Variants in MBD5 observed in about 807,000 individuals in gnomAD.
MBD5 encodes methyl-CpG-binding domain protein 5.
MBD5 carries 13 observed loss-of-function variants against 117.3 expected under a neutral mutation model. That is an observed-to-expected ratio of 0.11 (90% CI 0.07 to 0.18). The LOEUF (loss-of-function observed/expected upper bound fraction) is 0.18. Among genes scored for constraint, MBD5 ranks in the 10% least tolerant of loss-of-function variants. The pLI, the probability that MBD5 is intolerant of heterozygous loss-of-function variation, is 1.00. For missense variants in MBD5, 1,879 were observed against 2,093.8 expected (o/e 0.90, Z 2.00); for synonymous variants, 727 against 766.4 (o/e 0.95, Z 0.85).
intron 9 of MBD5, 103 bp downstream of exon 9, chr2:148,484,238 T>C: frequency 9.7e-7 from 1 of 1,034,084 alleles, no homozygotes; most frequent in East Asian, 2.7e-5. Flanking sequence ...TTTAAAAATG[T>C]TTTTGTTATG....
At chr2:148,441,629 G>A (rs1306543547) in intron 4 of MBD5, among the ~76,000 whole-genome samples, 5 of 152,142 alleles carry the variant, frequency 3.3e-5, no homozygotes, top group Non-Finnish European at 7.3e-5. Flanking sequence ...CCAGTAATGG[G>A]ATTGCTGGGT....
chr2:148,171,397 T>C (rs2105800126), intron 1 of MBD5, among the ~76,000 whole-genome samples: 1 of 152,216 alleles, frequency 6.6e-6, no homozygotes, highest in East Asian at 1.9e-4. Context: ...CTGATACGGA[T>C]GAAGAAAAAA....
chr2:148,103,361 A>C (rs557513606), intron 1 of MBD5, among the ~76,000 whole-genome samples: 97 of 152,284 alleles, frequency 6.4e-4, no homozygotes, highest in African/African-American at 2.3e-3. Flanking sequence ...AAATATTTTA[A>C]TATTTACTGT....
At chr2:148,447,631 T>C (rs1056664921) in intron 4 of MBD5, 1 of 152,144 alleles carries the variant, frequency 6.6e-6, no homozygotes, top group Non-Finnish European at 1.5e-5. Context: ...GCTATTGCAG[T>C]GAACTGGAGC....
intron 4 of MBD5, among the ~76,000 whole-genome samples, chr2:148,444,394 T>A (rs995119030): frequency 6.6e-6 from 1 of 151,258 alleles, no homozygotes; most frequent in African/African-American, 2.5e-5. Context: ...AGATGTCTGG[T>A]CATCATTTTC....
intron 3 of MBD5, among the ~76,000 whole-genome samples, chr2:148,272,525 C>T (rs6722460): frequency 0.95 from 144,201 of 152,226 alleles, 68,762 homozygotes; most frequent in East Asian, 1. Flanking sequence ...TTCATTTCCT[C>T]GATGATTAGT....
At chr2:148,269,795 T>G (rs1700941931) in intron 3 of MBD5, among the ~76,000 whole-genome samples, 1 of 151,750 alleles carries the variant, frequency 6.6e-6, no homozygotes, top group African/African-American at 2.4e-5. Context: ...CCTCTATATT[T>G]CCCTACATAT....
chr2:148,174,922 T>C (rs1283739688), intron 1 of MBD5, among the ~76,000 whole-genome samples: 1 of 152,178 alleles, frequency 6.6e-6, no homozygotes, highest in East Asian at 1.9e-4. Flanking sequence ...AATTATCTGA[T>C]GATCCAGCAA....
chr2:148,465,201 A>T (rs1334251217), intron 7 of MBD5, among the ~76,000 whole-genome samples: 1 of 152,142 alleles, frequency 6.6e-6, no homozygotes, highest in African/African-American at 2.4e-5. Context: ...TGCATAGATG[A>T]TGTTAGCTCC....
chr2:148,320,126 G>A (rs1225255382), intron 3 of MBD5, among the ~76,000 whole-genome samples: 3 of 152,096 alleles, frequency 2.0e-5, no homozygotes, highest in Non-Finnish European at 4.4e-5. Flanking sequence ...TTTTTGATGT[G>A]TTGTTGGCAT....
intron 1 of MBD5, among the ~76,000 whole-genome samples, chr2:148,098,988 G>A (rs1696136251): frequency 6.6e-6 from 1 of 152,152 alleles, no homozygotes; most frequent in Non-Finnish European, 1.5e-5. Flanking sequence ...CCGAGAGGTC[G>A]AGGCTGCAGT....
intron 8 of MBD5, among the ~76,000 whole-genome samples, chr2:148,473,939 A>G (rs2105676892): frequency 6.6e-6 from 1 of 152,266 alleles, no homozygotes; most frequent in East Asian, 1.9e-4. Flanking sequence ...TTTCCATGTA[A>G]CAGATTTAGA....
At chr2:148,128,441 C>G (rs1696954644) in intron 1 of MBD5, among the ~76,000 whole-genome samples, 2 of 152,038 alleles carry the variant, frequency 1.3e-5, no homozygotes, top group Admixed American at 1.3e-4. Context: ...AACAGTTGTC[C>G]AAGGTCACAC....
chr2:148,161,495 C>G (rs1371907033), intron 1 of MBD5, among the ~76,000 whole-genome samples: 1 of 152,118 alleles, frequency 6.6e-6, no homozygotes, highest in Admixed American at 6.5e-5. Context: ...AAGTGTTGTC[C>G]ACACAGAGAA....
At chr2:148,112,154 G>T (rs776894877) in intron 1 of MBD5, among the ~76,000 whole-genome samples, 1 of 152,158 alleles carries the variant, frequency 6.6e-6, no homozygotes, top group African/African-American at 2.4e-5. Flanking sequence ...TAAATGTTCT[G>T]TGGGAATACT....
chr2:148,144,389 C>A (rs188981416), intron 1 of MBD5, among the ~76,000 whole-genome samples: 1 of 152,042 alleles, frequency 6.6e-6, no homozygotes, highest in South Asian at 2.1e-4. Context: ...TTCTCCCATT[C>A]TGTAGGTTGC....
chr2:148,361,747 C>T (rs1210727745), intron 4 of MBD5, among the ~76,000 whole-genome samples: 1 of 152,138 alleles, frequency 6.6e-6, no homozygotes, highest in African/African-American at 2.4e-5. Flanking sequence ...CAAATAGGAA[C>T]AGCTCCGGTC....
At chr2:148,065,642 G>A (rs1263645807) in intron 1 of MBD5, among the ~76,000 whole-genome samples, 3 of 152,202 alleles carry the variant, frequency 2.0e-5, no homozygotes, top group African/African-American at 7.2e-5. Context: ...AAAGTTGAAT[G>A]TGTTGAAGTT....
chr2:148,342,468 T>G (rs888633604), intron 4 of MBD5, 132 bp downstream of exon 4: 1 of 152,024 alleles, frequency 6.6e-6, no homozygotes, highest in Non-Finnish European at 1.5e-5. Flanking sequence ...AAAGTTAGGA[T>G]GCTTAAACAC....
Sources: gnomAD v4.1 joint callset for allele counts (sites outside exome capture counted in the v4.1 genomes callset) on GRCh38, gnomAD v4.1.1 for gene constraint, MANE v1.5 for transcripts, NCBI Gene and HGNC (gene_info 2026-07-23, HGNC 2026-07-21) for gene names.